Variants in SLC24A2 observed in about 807,000 individuals in gnomAD.
SLC24A2 encodes the protein sodium/potassium/calcium exchanger 2.
Under a neutral mutation model 62.0 loss-of-function variants are expected in SLC24A2, and 36 were observed. The ratio of observed to expected loss-of-function variants is 0.58; its 90% CI spans 0.44 to 0.77. The LOEUF is 0.77. Ranked by LOEUF, SLC24A2 falls within the 30% of genes least tolerant of loss-of-function variation. SLC24A2 has a pLI of 0.00. For missense variants in SLC24A2, 846 were observed against 817.9 expected, an observed-to-expected ratio of 1.03 and a Z score of -0.42; for synonymous variants, 358 against 294.0, an observed-to-expected ratio of 1.22 and a Z score of -2.23.
chr9:19,573,394 T>G lies in SLC24A2; in HGVS notation c.1304A>C (p.Gln435Pro). The change falls in exon 7 of 11, where the codon CAA becomes CCA. Residue 435 changes from glutamine to proline, a missense_variant. Coordinates refer to ENST00000341998, the MANE Select transcript of SLC24A2 (RefSeq NM_020344.4). Reference sequence around the variant, plus strand: ...AATGTTGTGGGAGAGATTTCCATTTTGTACAGGTTCTGAAGCATCACTGGA... The same window carrying G: ...AATGTTGTGGGAGAGATTTCCATTTGGTACAGGTTCTGAAGCATCACTGGA... ...TPSSDASEPVQNGNLSHNIEG... is the reference protein window; with the variant it reads ...TPSSDASEPVPNGNLSHNIEG... 4 of 1,613,888 alleles carry G rather than the reference T, an allele frequency of 2.5e-6. No homozygotes were observed. Among genetic ancestry groups the G allele is most frequent in the Non-Finnish European group, 3.4e-6 (4 of 1,179,848 alleles).
the SLC24A2 span, among the ~76,000 whole-genome samples, chr9:19,851,023 ACATAT>A: frequency 3.1e-3 from 174 of 55,532 alleles, 5 homozygotes; most frequent in African/African-American, 9.7e-3. Flanking sequence ...ATATATATAT[ACATAT>A]TTTTTTTTTT....
At chr9:20,012,544 TA>T in the SLC24A2 span, among the ~76,000 whole-genome samples, 1 of 141,354 alleles carries the variant, frequency 7.1e-6, no homozygotes, top group African/African-American at 2.6e-5. Flanking sequence ...CCAGAGGAAT[TA>T]AACAAGAGAA....
At chr9:20,177,640 T>A in the SLC24A2 span, among the ~76,000 whole-genome samples, 3 of 152,142 alleles carry the variant, frequency 2.0e-5, no homozygotes, top group Non-Finnish European at 4.4e-5. Context: ...AAGTCCTTAA[T>A]TGATCCTTTA....
rs71335440 is a variant in SLC24A2 at position 19,642,671 on chromosome 9, C to CTTTTTTTTTTTTTTTTTTTTT, written c.931-20393_931-20373dup. ...AGAATGGTTTATATGAGAGCGTATT[C>CTTTTTTTTTTTTTTTTTTTTT]TTTTTTTTTTTTTTTTTTTTTTTTT... On this transcript the variant is annotated intron_variant, in intron 2 of 10. Transcript: ENST00000341998. 1.8e-4 allele frequency among the ~76,000 whole-genome samples: 14 copies of CTTTTTTTTTTTTTTTTTTTTT among 79,850 alleles called. 7 individuals carry two copies. The highest frequency in any genetic ancestry group is 2.9e-4 in the African/African-American group (6 of 21,016). 52.4% of individuals were successfully genotyped at this position (79,850 alleles called of 152,430 possible). A position where few individuals can be genotyped will look rare whatever the true frequency, so the allele number is the denominator to read the frequency against.
the SLC24A2 span, among the ~76,000 whole-genome samples, chr9:19,943,200 A>G: frequency 2.0e-5 from 3 of 152,174 alleles, no homozygotes; most frequent in African/African-American, 7.2e-5. Context: ...ACATATAAAA[A>G]TATTAATTTA....
At chr9:19,780,729 C>A (rs1257091672) in intron 2 of SLC24A2, among the ~76,000 whole-genome samples, 1 of 151,246 alleles carries the variant, frequency 6.6e-6, no homozygotes. Context: ...AAAAATTAGC[C>A]GGGCGCGGTG....
At chr9:20,106,283 G>A in the SLC24A2 span, among the ~76,000 whole-genome samples, 102 of 152,318 alleles carry the variant, frequency 6.7e-4, 2 homozygotes, top group South Asian at 0.011. Context: ...GGAGGAGCCA[G>A]TACCATTCCT....
chr9:20,003,798 A>G, the SLC24A2 span, among the ~76,000 whole-genome samples: 1 of 152,052 alleles, frequency 6.6e-6, no homozygotes, highest in African/African-American at 2.4e-5. Flanking sequence ...CAGGTAGTGG[A>G]CCAGATTTGA....
the SLC24A2 span, among the ~76,000 whole-genome samples, chr9:20,095,457 A>G: frequency 6.6e-6 from 1 of 152,212 alleles, no homozygotes; most frequent in African/African-American, 2.4e-5. Flanking sequence ...TGCCTTTTCT[A>G]TTGTGGATGG....
chr9:19,987,579 C>A, the SLC24A2 span, among the ~76,000 whole-genome samples: 1 of 152,174 alleles, frequency 6.6e-6, no homozygotes, highest in East Asian at 1.9e-4. Flanking sequence ...CACTTCACCA[C>A]TGACGGCAGC....
intron 2 of SLC24A2, among the ~76,000 whole-genome samples, chr9:19,689,153 G>A (rs916004454): frequency 1.7e-4 from 26 of 152,060 alleles, no homozygotes; most frequent in African/African-American, 5.6e-4. Context: ...TAAGGTAACT[G>A]AGGCTGAGTG....
At chr9:19,994,105 G>A in the SLC24A2 span, among the ~76,000 whole-genome samples, 1 of 152,184 alleles carries the variant, frequency 6.6e-6, no homozygotes, top group African/African-American at 2.4e-5. Context: ...CTGGCTCCAG[G>A]TGAGCTGCTG....
intron 4 of SLC24A2, among the ~76,000 whole-genome samples, chr9:19,615,829 C>A (rs1817753291): frequency 6.6e-6 from 1 of 152,148 alleles, no homozygotes; most frequent in Admixed American, 6.6e-5. Context: ...TCTGAGACAA[C>A]CTAGATTCAC....
chr9:19,688,279 A>C (rs1819943294), intron 2 of SLC24A2, among the ~76,000 whole-genome samples: 1 of 152,174 alleles, frequency 6.6e-6, no homozygotes, highest in Non-Finnish European at 1.5e-5. Flanking sequence ...CTTTAGGCAC[A>C]TCATATAACT....
chr9:20,207,049 C>G, the SLC24A2 span, among the ~76,000 whole-genome samples: 1 of 152,106 alleles, frequency 6.6e-6, no homozygotes. Flanking sequence ...TTTCATTGAA[C>G]CTGTAACCAT....
the SLC24A2 span, among the ~76,000 whole-genome samples, chr9:19,961,391 C>T: frequency 1.3e-5 from 2 of 152,150 alleles, no homozygotes; most frequent in African/African-American, 2.4e-5. Context: ...TTCCACAAAA[C>T]CCAATCTTTG....
At chr9:19,680,004 T>C (rs1564033105) in intron 2 of SLC24A2, among the ~76,000 whole-genome samples, 1 of 152,270 alleles carries the variant, frequency 6.6e-6, no homozygotes, top group East Asian at 1.9e-4. Context: ...CAAATGCATC[T>C]AACATAAAGT....
the SLC24A2 span, among the ~76,000 whole-genome samples, chr9:19,987,347 A>G: frequency 6.6e-6 from 1 of 152,180 alleles, no homozygotes; most frequent in Non-Finnish European, 1.5e-5. Context: ...GAATGAAAAT[A>G]TTGATAAAAC....
At chr9:19,532,631 A>T (rs1833763360) in intron 8 of SLC24A2, among the ~76,000 whole-genome samples, 1 of 152,222 alleles carries the variant, frequency 6.6e-6, no homozygotes, top group Admixed American at 6.5e-5. Flanking sequence ...TGGGGAAGTG[A>T]ACATGACTGT....
Sources: gnomAD v4.1 joint callset for allele counts (sites outside exome capture counted in the v4.1 genomes callset) on GRCh38, gnomAD v4.1.1 for gene constraint, MANE v1.5 for transcripts, NCBI Gene and HGNC (gene_info 2026-07-23, HGNC 2026-07-21) for gene names.